Variants in LIN52 observed in about 807,000 individuals in gnomAD.
The protein encoded by LIN52 is lin-52 DREAM MuvB core complex component, also known as protein lin-52 homolog.
In LIN52, 4 loss-of-function variants were observed where a neutral mutation model predicts 18.5. The ratio of observed to expected loss-of-function variants is 0.22; its 90% CI spans 0.11 to 0.49. The LOEUF (loss-of-function observed/expected upper bound fraction) is 0.49, where lower values mean the gene tolerates loss of function less well. Among genes scored for constraint, LIN52 ranks in the 20% least tolerant of loss-of-function variants. The pLI, the probability that LIN52 is intolerant of heterozygous loss-of-function variation, is 0.97. For synonymous variants in LIN52, 34 were observed against 45.5 expected (o/e 0.75, Z 1.02); for missense variants, 102 against 139.5 (o/e 0.73, Z 1.35).
intron 5 of LIN52, among the ~76,000 whole-genome samples, chr14:74,198,550 T>C (rs1028741469): frequency 1.3e-5 from 2 of 152,204 alleles, no homozygotes; most frequent in Non-Finnish European, 2.9e-5. Flanking sequence ...AGAAGACTAA[T>C]CTTGGTTGGA....
At chr14:74,152,497 G>A (rs1258784615) in intron 5 of LIN52, among the ~76,000 whole-genome samples, 1 of 152,018 alleles carries the variant, frequency 6.6e-6, no homozygotes, top group Non-Finnish European at 1.5e-5. Flanking sequence ...CCTCACAACA[G>A]CCCTGTAAGT....
chr14:74,187,286 C>A (rs1221112717), intron 5 of LIN52, among the ~76,000 whole-genome samples: 1 of 152,024 alleles, frequency 6.6e-6, no homozygotes, highest in Non-Finnish European at 1.5e-5. Context: ...AGATAAAAAC[C>A]TTTTTCAGTG....
At chr14:74,190,477 C>T (rs2061359253) in intron 5 of LIN52, among the ~76,000 whole-genome samples, 1 of 148,528 alleles carries the variant, frequency 6.7e-6, no homozygotes, top group East Asian at 2.1e-4. Context: ...CTGCAACCTC[C>T]GCCTCCCAGA....
chr14:74,137,249 C>CT (rs1338773964), intron 5 of LIN52, among the ~76,000 whole-genome samples: 1 of 150,338 alleles, frequency 6.7e-6, no homozygotes, highest in Admixed American at 6.6e-5. Flanking sequence ...CATCATGGCA[C>CT]TTTACCCCTA....
chr14:74,189,550 T>C (rs2061354801), intron 5 of LIN52, among the ~76,000 whole-genome samples: 1 of 152,246 alleles, frequency 6.6e-6, no homozygotes. Flanking sequence ...GGTTTGTTTC[T>C]AGTAGGAAGA....
At chr14:74,169,824 T>C (rs1431203276) in intron 5 of LIN52, among the ~76,000 whole-genome samples, 1 of 152,230 alleles carries the variant, frequency 6.6e-6, no homozygotes, top group African/African-American at 2.4e-5. Flanking sequence ...GAGATACTTA[T>C]CCAGTGAGGG....
chr14:74,100,126 C>T (rs1026227479), intron 4 of LIN52, among the ~76,000 whole-genome samples: 2 of 152,032 alleles, frequency 1.3e-5, no homozygotes, highest in African/African-American at 2.4e-5. Flanking sequence ...TATTATAAGT[C>T]GAAATAATGT....
intron 5 of LIN52, among the ~76,000 whole-genome samples, chr14:74,162,475 CAAAAA>C (rs35116380): frequency 2.1e-5 from 2 of 95,350 alleles, no homozygotes; most frequent in African/African-American, 8.2e-5. Flanking sequence ...CTCCATCTCA[CAAAAA>C]AAAAAAAAAA....
At chr14:74,086,669 G>GA (rs34078951) in intron 1 of LIN52, among the ~76,000 whole-genome samples, 15 of 150,514 alleles carry the variant, frequency 1.0e-4, no homozygotes, top group East Asian at 2.0e-4. Context: ...AAAAAAGAAG[G>GA]AAAAAAAAAG....
intron 5 of LIN52, among the ~76,000 whole-genome samples, chr14:74,142,010 G>A (rs1284666991): frequency 6.6e-6 from 1 of 152,232 alleles, no homozygotes; most frequent in Non-Finnish European, 1.5e-5. Context: ...CTTGCTGGGA[G>A]TGGCAGTGTG....
At chr14:74,145,854 G>A (rs1046778718) in intron 5 of LIN52, among the ~76,000 whole-genome samples, 7 of 152,178 alleles carry the variant, frequency 4.6e-5, no homozygotes, top group Non-Finnish European at 7.3e-5. Context: ...CTTGCCCTGT[G>A]TCTGAGGGTG....
intron 5 of LIN52, among the ~76,000 whole-genome samples, chr14:74,192,093 A>G (rs1308792874): frequency 2.0e-5 from 3 of 152,160 alleles, no homozygotes; most frequent in Non-Finnish European, 2.9e-5. Flanking sequence ...GTTACCATTT[A>G]TCTTGCATTG....
intron 5 of LIN52, among the ~76,000 whole-genome samples, chr14:74,145,343 C>T (rs925440043): frequency 2.0e-5 from 3 of 152,190 alleles, no homozygotes; most frequent in Admixed American, 2.0e-4. Context: ...CTTTGCCAAC[C>T]TCTTGCCTCT....
At chr14:74,093,289 T>G (rs2060785327) in intron 2 of LIN52, among the ~76,000 whole-genome samples, 1 of 151,146 alleles carries the variant, frequency 6.6e-6, no homozygotes, top group African/African-American at 2.4e-5. Flanking sequence ...TACTGAGATA[T>G]ATAAAGCGTT....
intron 5 of LIN52, among the ~76,000 whole-genome samples, chr14:74,106,179 C>A (rs1055442609): frequency 2.0e-5 from 3 of 152,296 alleles, no homozygotes; most frequent in African/African-American, 7.2e-5. Flanking sequence ...AGAGTCCTCC[C>A]TCTTTTACTG....
At position 74,199,205 on chromosome 14, in the gene LIN52, T is replaced by G. The variant is rs2078932664; in HGVS notation, c.*228T>G. On this transcript the variant is annotated 3_prime_UTR_variant, in exon 6 of 6. Transcript: ENST00000555028. ...CAGTTACTCAATCAACTTTCAGACT[T>G]GAACCTTCTTAGCCTCGGATATTGG... 2.4e-6 allele frequency: 1 copy of G among 425,408 alleles called. No homozygotes were observed. Among genetic ancestry groups the G allele is most frequent in the Non-Finnish European group, 4.2e-6 (1 of 239,418 alleles). 26.4% of individuals were successfully genotyped at this position (425,408 alleles called of 1,614,324 possible). A position where few individuals can be genotyped will look rare whatever the true frequency, so the allele number is the denominator to read the frequency against.
chr14:74,101,144 T>TCC lies in LIN52; in HGVS notation c.200-11_200-10insCC. ...AAAGAAATGATGTTGAAATAAATGA[T>TCC]TCTGTTTCAGAACTGGGGAGTCTCA... On this transcript the variant is annotated splice_polypyrimidine_tract_variant and intron_variant, in intron 4 of 5. Coordinates refer to ENST00000555028, the MANE Select transcript of LIN52 (RefSeq NM_001024674.3). The TCC allele has an allele frequency of 6.2e-7, 1 of 1,606,926 alleles. No individual in the cohort carries two copies. The highest frequency in any genetic ancestry group is 8.5e-7 in the Non-Finnish European group (1 of 1,175,600).
intron 5 of LIN52, among the ~76,000 whole-genome samples, chr14:74,153,198 A>T (rs1200335847): frequency 1.3e-5 from 2 of 152,160 alleles, no homozygotes; most frequent in African/African-American, 2.4e-5. Context: ...AGATTCAGAC[A>T]AGGAGAGGAA....
intron 5 of LIN52, among the ~76,000 whole-genome samples, chr14:74,182,551 G>A (rs1157334418): frequency 7.8e-6 from 1 of 127,444 alleles, no homozygotes; most frequent in Non-Finnish European, 1.9e-5. Flanking sequence ...TGAAGTAAAA[G>A]AATGATCGCA....
Sources: gnomAD v4.1 joint callset for allele counts (sites outside exome capture counted in the v4.1 genomes callset) on GRCh38, gnomAD v4.1.1 for gene constraint, MANE v1.5 for transcripts, NCBI Gene and HGNC (gene_info 2026-07-23, HGNC 2026-07-21) for gene names.